RTF1: variants seen among roughly 807,000 people sequenced by gnomAD.
RTF1 encodes the protein RNA polymerase-associated protein RTF1 homolog.
Under a neutral mutation model 95.7 loss-of-function variants are expected in RTF1, and 10 were observed. The observed-to-expected ratio is 0.10, with a 90% CI of 0.06 to 0.18. The LOEUF (loss-of-function observed/expected upper bound fraction) is 0.18, where lower values mean the gene tolerates loss of function less well. RTF1 is among the 10% of genes least tolerant of loss of function. RTF1 has a pLI of 1.00. For synonymous variants in RTF1, 305 were observed against 311.8 expected, an observed-to-expected ratio of 0.98 and a Z score of 0.23; for missense variants, 458 against 875.6, an observed-to-expected ratio of 0.52 and a Z score of 6.02.
chr15:41,479,668 C>G (rs1400302834), intron 16 of RTF1, among the ~76,000 whole-genome samples: 2 of 152,014 alleles, frequency 1.3e-5, no homozygotes, highest in African/African-American at 4.8e-5. Flanking sequence ...CGAGACCAGC[C>G]TGGCCAACAT....
At chr15:41,455,432 A>G (rs1404540559) in intron 3 of RTF1, among the ~76,000 whole-genome samples, 1 of 152,194 alleles carries the variant, frequency 6.6e-6, no homozygotes, top group African/African-American at 2.4e-5. Context: ...TAAGTGAAGT[A>G]ACTAAGGAAC....
intron 17 of RTF1, 110 bp from the exon 18 acceptor site, chr15:41,480,471 A>G: frequency 1.0e-6 from 1 of 955,924 alleles, no homozygotes; most frequent in South Asian, 1.4e-5. Context: ...GGCTGTGGGT[A>G]TGGTGAGAGG....
chr15:41,448,839 G>A (rs1490301063), intron 2 of RTF1: 1 of 151,942 alleles, frequency 6.6e-6, no homozygotes, highest in Non-Finnish European at 1.5e-5. Flanking sequence ...CTGCTGAAGC[G>A]AGCAGAGATT....
chr15:41,476,591 C>A, intron 12 of RTF1, 68 bp downstream of exon 12: 2 of 1,408,540 alleles, frequency 1.4e-6, no homozygotes, highest in Non-Finnish European at 2.0e-6. Context: ...CTTGTTCATC[C>A]TCTGCCAAGT....
At chr15:41,436,943 C>G (rs889037565) in intron 1 of RTF1, among the ~76,000 whole-genome samples, 2 of 150,824 alleles carry the variant, frequency 1.3e-5, no homozygotes, top group African/African-American at 4.9e-5. Context: ...AAAAATTACC[C>G]AGGTGTGGTG....
chr15:41,418,819 A>C (rs1004496206), intron 1 of RTF1, among the ~76,000 whole-genome samples: 2 of 151,574 alleles, frequency 1.3e-5, no homozygotes, highest in African/African-American at 4.8e-5. Flanking sequence ...AAGAAAAAGA[A>C]AGTATTAAGG....
intron 16 of RTF1, 31 bp downstream of exon 16, chr15:41,479,229 A>C (rs769563982): frequency 6.9e-7 from 1 of 1,455,574 alleles, no homozygotes; most frequent in South Asian, 1.1e-5. Context: ...TTGCCTGCTG[A>C]GTGAGGCTGC....
chr15:41,477,361 T>A (rs1028274637), intron 13 of RTF1, 75 bp downstream of exon 13: 3 of 1,612,436 alleles, frequency 1.9e-6, no homozygotes, highest in Middle Eastern at 1.7e-4. Context: ...CTGTACACTC[T>A]GTGCTGCACT....
intron 1 of RTF1, 25 bp from the exon 2 acceptor site, chr15:41,438,296 G>A: frequency 6.9e-7 from 1 of 1,455,762 alleles, no homozygotes; most frequent in African/African-American, 1.4e-5. Flanking sequence ...GAACAAAACT[G>A]ATGTGCCTAT....
At chr15:41,463,375 C>CT (rs1225896710) in intron 4 of RTF1, among the ~76,000 whole-genome samples, 2 of 152,170 alleles carry the variant, frequency 1.3e-5, no homozygotes. Context: ...GTAACTCTTT[C>CT]TAACTTTTTG....
chr15:41,474,750 C>T (rs373833729), intron 9 of RTF1, 48 bp downstream of exon 9: 3 of 1,367,042 alleles, frequency 2.2e-6, no homozygotes, highest in Non-Finnish European at 3.1e-6. Flanking sequence ...CAAACAGGCA[C>T]TGGCTTTGGG....
At chr15:41,439,898 T>C (rs1195725506) in intron 2 of RTF1, among the ~76,000 whole-genome samples, 1 of 151,996 alleles carries the variant, frequency 6.6e-6, no homozygotes, top group Non-Finnish European at 1.5e-5. Flanking sequence ...ATGATCCACC[T>C]GCCTTGGCCT....
chr15:41,480,482 G>T, intron 17 of RTF1, 99 bp from the exon 18 acceptor site: 2 of 1,008,212 alleles, frequency 2.0e-6, no homozygotes, highest in Admixed American at 1.9e-5. Context: ...TGGTGAGAGG[G>T]AACAGGGCCA....
At chr15:41,479,991 A>G (rs1423593284) in intron 16 of RTF1, among the ~76,000 whole-genome samples, 1 of 151,902 alleles carries the variant, frequency 6.6e-6, no homozygotes, top group African/African-American at 2.4e-5. Flanking sequence ...CCCTTTCTAC[A>G]CTCATACCAC....
rs1469681866 is a variant in RTF1, at chr15:41,481,196, G to A, written c.*509G>A. Reference sequence around the variant, plus strand: ...TCTTTCTCTTCTGCCCTTCTTTTTGGAAGAAGGGGTTTCAAAACCAGTTTA... The same window carrying A: ...TCTTTCTCTTCTGCCCTTCTTTTTGAAAGAAGGGGTTTCAAAACCAGTTTA... On this transcript the variant is annotated 3_prime_UTR_variant, in exon 18 of 18. Coordinates refer to ENST00000389629, the MANE Select transcript of RTF1 (RefSeq NM_015138.5). 1 of 141,060 alleles carries A rather than the reference G, an allele frequency of 7.1e-6. No homozygotes were observed. The highest frequency in any genetic ancestry group is 2.6e-5 in the African/African-American group (1 of 38,324). The allele number at this position is 141,060 out of a possible 1,614,324, so 8.7% of individuals were successfully genotyped here. A position where few individuals can be genotyped will look rare whatever the true frequency, so the allele number is the denominator to read the frequency against.
intron 8 of RTF1, 26 bp downstream of exon 8, chr15:41,471,375 T>C: frequency 6.3e-7 from 1 of 1,590,842 alleles, no homozygotes. Flanking sequence ...CTTGGACAAT[T>C]GTCCATGCTT....
At chr15:41,453,223 A>G (rs935711504) in intron 3 of RTF1, among the ~76,000 whole-genome samples, 175 bp downstream of exon 3, 1 of 152,208 alleles carries the variant, frequency 6.6e-6, no homozygotes, top group African/African-American at 2.4e-5. Context: ...GAATGAAGCA[A>G]GAAAAATGCA....
At chr15:41,443,925 G>T (rs369377889) in intron 2 of RTF1, among the ~76,000 whole-genome samples, 2 of 151,592 alleles carry the variant, frequency 1.3e-5, no homozygotes, top group African/African-American at 4.8e-5. Flanking sequence ...AAAATTAGCC[G>T]GGCGTGGTGG....
rs1174320392 is a variant in RTF1 at position 41,461,935 on chromosome 15, T to A, written c.663-2836T>A. On this transcript the variant is annotated intron_variant, in intron 4 of 17. Transcript: ENST00000389629. Reference sequence around the variant, plus strand: ...ATTTTTTTTTCTTTTTTTTTTTTTTTTAGAGAGGGGGGGTTTGCCATGTTG... The same window carrying A: ...ATTTTTTTTTCTTTTTTTTTTTTTTATAGAGAGGGGGGGTTTGCCATGTTG... Among the ~76,000 whole-genome samples the A allele has an allele frequency of 1.4e-3, 210 of 150,854 alleles. 1 individual carries two copies. Among genetic ancestry groups the A allele is most frequent in the African/African-American group, 4.8e-3 (195 of 41,032 alleles).
Sources: gnomAD v4.1 joint callset for allele counts (sites outside exome capture counted in the v4.1 genomes callset) on GRCh38, gnomAD v4.1.1 for gene constraint, MANE v1.5 for transcripts, NCBI Gene and HGNC (gene_info 2026-07-23, HGNC 2026-07-21) for gene names.